The following PEX5L variants were observed in gnomAD, a reference collection of about 807,000 sequenced individuals.
PEX5L encodes the protein PEX5-related protein.
PEX5L carries 30 observed loss-of-function variants against 84.0 expected under a neutral mutation model. The ratio of observed to expected loss-of-function variants is 0.36; its 90% CI spans 0.27 to 0.48. The LOEUF is 0.48. Among genes scored for constraint, PEX5L ranks in the 20% least tolerant of loss-of-function variants. The pLI, the probability that PEX5L is intolerant of heterozygous loss-of-function variation, is 0.99. For synonymous variants in PEX5L, 270 were observed against 283.1 expected (o/e 0.95, Z 0.46); for missense variants, 533 against 754.6 (o/e 0.71, Z 3.44).
chr3:179,931,284 T>A lies in PEX5L; in HGVS notation c.94-33038A>T, dbSNP rs193121943. ...GCTACTGTCCTAAGAATGCAGATCATCATCACATCTCAGGAGGCAAAGGCC... is the reference window on the plus strand; with the variant it reads ...GCTACTGTCCTAAGAATGCAGATCAACATCACATCTCAGGAGGCAAAGGCC... On this transcript the variant is annotated intron_variant, in intron 2 of 14. Coordinates refer to ENST00000467460, the MANE Select transcript of PEX5L (RefSeq NM_016559.3). 1.1e-3 allele frequency among the ~76,000 whole-genome samples: 172 copies of A among 152,310 alleles called. 1 individual carries two copies. The highest frequency in any genetic ancestry group is 0.01 in the Middle Eastern group (3 of 294).
intron 2 of PEX5L, among the ~76,000 whole-genome samples, chr3:179,966,543 T>C (rs1441162938): frequency 1.3e-5 from 2 of 152,192 alleles, no homozygotes; most frequent in Admixed American, 6.5e-5. Flanking sequence ...GTTAGTTGCT[T>C]AGATGTTGGT....
chr3:179,883,284 C>T (rs13085715), intron 4 of PEX5L, among the ~76,000 whole-genome samples: 13,755 of 152,206 alleles, frequency 0.09, 816 homozygotes, highest in Non-Finnish European at 0.14. Context: ...GATCCCACTG[C>T]CCAGAGGATG....
chr3:179,873,318 C>T (rs7616060), intron 7 of PEX5L, among the ~76,000 whole-genome samples: 69,880 of 151,802 alleles, frequency 0.46, 16,491 homozygotes, highest in East Asian at 0.79. Context: ...TTTATTTCAC[C>T]TCAGATAGTA....
chr3:179,874,816 T>C (rs1577917316), intron 6 of PEX5L, among the ~76,000 whole-genome samples: 2 of 144,398 alleles, frequency 1.4e-5, no homozygotes, highest in East Asian at 2.0e-4. Context: ...TATCTTTATA[T>C]AGAATTTGCA....
chr3:179,902,146 T>C (rs1003174326), intron 2 of PEX5L: 1 of 152,300 alleles, frequency 6.6e-6, no homozygotes, highest in Non-Finnish European at 1.5e-5. Context: ...GTGGGGTAGA[T>C]ATTATCTTCC....
Position 179,933,376 on chromosome 3 carries a change from T to C in PEX5L, c.94-35130A>G, listed in dbSNP as rs573072680. Among the ~76,000 whole-genome samples the C allele has an allele frequency of 7.2e-5, 11 of 152,334 alleles. No homozygotes were observed. In the South Asian group the frequency reaches 2.1e-3, roughly 29 times the overall value. Reference sequence around the variant, plus strand: ...CCACAGCACCAGCTCATGCTGCTAATGCTGGCATTTTCCAGGGAAGCTTGT... The same window carrying C: ...CCACAGCACCAGCTCATGCTGCTAACGCTGGCATTTTCCAGGGAAGCTTGT... On this transcript the variant is annotated intron_variant, in intron 2 of 14. Coordinates refer to ENST00000467460, the MANE Select transcript of PEX5L (RefSeq NM_016559.3).
intron 2 of PEX5L, among the ~76,000 whole-genome samples, chr3:179,934,836 T>C (rs963324720): frequency 2.0e-5 from 3 of 152,196 alleles, no homozygotes; most frequent in African/African-American, 7.2e-5. Context: ...CATTTGATTG[T>C]ATTAATGTAT....
intron 8 of PEX5L, among the ~76,000 whole-genome samples, chr3:179,850,846 A>G (rs1385375275): frequency 2.0e-5 from 3 of 152,254 alleles, no homozygotes; most frequent in African/African-American, 7.2e-5. Context: ...ATATTGTCAT[A>G]GAAAGCAAAA....
chr3:180,022,889 C>T (rs1004438088), intron 1 of PEX5L, among the ~76,000 whole-genome samples: 4 of 152,166 alleles, frequency 2.6e-5, no homozygotes, highest in Admixed American at 6.5e-5. Context: ...ATAAATGTTA[C>T]AGGTGTTGAG....
chr3:179,903,217 TTTTG>T (rs555904815), intron 2 of PEX5L, among the ~76,000 whole-genome samples: 2,045 of 152,166 alleles, frequency 0.013, 12 homozygotes, highest in Admixed American at 0.022. Flanking sequence ...ATCTATATAT[TTTTG>T]TTTGTTTGTT....
At chr3:180,004,328 T>C (rs1788680871) in intron 1 of PEX5L, among the ~76,000 whole-genome samples, 1 of 152,244 alleles carries the variant, frequency 6.6e-6, no homozygotes, top group Admixed American at 6.5e-5. Flanking sequence ...AATTTGTTTT[T>C]AGTTATTAGT....
At chr3:180,020,516 T>G (rs776062729) in intron 1 of PEX5L, among the ~76,000 whole-genome samples, 6 of 152,194 alleles carry the variant, frequency 3.9e-5, no homozygotes, top group Non-Finnish European at 7.4e-5. Flanking sequence ...AAAATTATTT[T>G]ACTGGGAAAA....
chr3:179,840,156 G>GTTT (rs201456388), intron 8 of PEX5L, among the ~76,000 whole-genome samples: 1 of 123,408 alleles, frequency 8.1e-6, no homozygotes, highest in Admixed American at 8.4e-5. Context: ...TCGTCAAGTT[G>GTTT]TTTTTTGTGT....
At chr3:179,952,696 A>G (rs1779423422) in intron 2 of PEX5L, among the ~76,000 whole-genome samples, 1 of 152,218 alleles carries the variant, frequency 6.6e-6, no homozygotes, top group African/African-American at 2.4e-5. Context: ...TTATAGATTC[A>G]ATGCTATCCC....
chr3:179,999,074 A>C (rs1579289398), intron 1 of PEX5L, among the ~76,000 whole-genome samples: 1 of 152,204 alleles, frequency 6.6e-6, no homozygotes, highest in South Asian at 2.1e-4. Context: ...TTTACATGGA[A>C]GGAGAAATGG....
At chr3:179,973,288 G>A in intron 1 of PEX5L, 2 of 1,284,154 alleles carry the variant, frequency 1.6e-6, no homozygotes, top group Non-Finnish European at 2.0e-6. Flanking sequence ...TGGCTTCCTT[G>A]CCAGAACTTG....
In PEX5L at chr3:179,880,019, T is replaced by C. The variant is rs1560513923; in HGVS notation, c.415A>G (p.Lys139Glu). The change falls in exon 5 of 15, where the codon AAA (lysine) becomes GAA (glutamate). Residue 139 changes from lysine to glutamate, a missense_variant. Lys to Glu is a moderately conservative substitution (Grantham distance 56). Transcript: ENST00000467460. ...EPSSKTSSLK[K>E]KADGSDLIST... The stretch of plus-strand genomic sequence containing the variant: ...ATGAGGTCAGATCCATCGGCCTTTT[T>C]CTTGAGGGATGAGGTTTTTGATGAG... 6.2e-7 allele frequency: 1 copy of C among 1,614,098 alleles called. No individual in the cohort carries two copies. The highest frequency in any genetic ancestry group is 1.1e-5 in the South Asian group (1 of 91,082).
intron 8 of PEX5L, among the ~76,000 whole-genome samples, chr3:179,833,663 A>G (rs1167055357): frequency 6.6e-6 from 1 of 152,130 alleles, no homozygotes; most frequent in Non-Finnish European, 1.5e-5. Context: ...AAAGAAACTA[A>G]GTGGGATGTT....
intron 2 of PEX5L, among the ~76,000 whole-genome samples, chr3:179,959,075 A>G (rs1781365010): frequency 6.6e-6 from 1 of 152,054 alleles, no homozygotes; most frequent in Non-Finnish European, 1.5e-5. Flanking sequence ...AAAAAAAATA[A>G]AAAAAACCAG....
Sources: allele counts gnomAD v4.1 joint callset (sites outside exome capture counted in the v4.1 genomes callset), GRCh38; gene constraint gnomAD v4.1.1; transcripts MANE v1.5; gene names NCBI Gene and HGNC (gene_info 2026-07-23, HGNC 2026-07-21).